Variants in FBXL17 observed in about 807,000 individuals in gnomAD.
FBXL17 encodes F-box and leucine rich repeat protein 17, also known as F-box/LRR-repeat protein 17.
In FBXL17, 22 loss-of-function variants were observed where a neutral mutation model predicts 66.2. The observed-to-expected ratio is 0.33, with a 90% CI of 0.24 to 0.47. The LOEUF is 0.47. Among genes scored for constraint, FBXL17 ranks in the 20% least tolerant of loss-of-function variants. FBXL17 has a pLI of 1.00. For missense variants in FBXL17, 878 were observed against 948.2 expected, an observed-to-expected ratio of 0.93 and a Z score of 0.97; for synonymous variants, 474 against 400.5, an observed-to-expected ratio of 1.18 and a Z score of -2.19.
intron 6 of FBXL17, among the ~76,000 whole-genome samples, chr5:108,157,899 C>A (rs1321711562): frequency 6.6e-6 from 1 of 151,856 alleles, no homozygotes; most frequent in Admixed American, 6.6e-5. Flanking sequence ...ATACTCATTG[C>A]CATTTTATTT....
chr5:108,302,402 G>T (rs919669711), intron 4 of FBXL17, among the ~76,000 whole-genome samples: 5 of 151,736 alleles, frequency 3.3e-5, no homozygotes, highest in Admixed American at 3.3e-4. Flanking sequence ...ATTCTACAGA[G>T]TTATATCTTT....
At chr5:107,907,796 C>T (rs1349255173) in intron 7 of FBXL17, among the ~76,000 whole-genome samples, 1 of 152,154 alleles carries the variant, frequency 6.6e-6, no homozygotes, top group Non-Finnish European at 1.5e-5. Context: ...CAGGAAACAA[C>T]AAGTGCTGGA....
At chr5:108,110,767 T>C (rs1750002986) in intron 6 of FBXL17, among the ~76,000 whole-genome samples, 1 of 152,096 alleles carries the variant, frequency 6.6e-6, no homozygotes, top group South Asian at 2.1e-4. Flanking sequence ...AGGGGCGAAT[T>C]TGTGCCTCAA....
chr5:108,117,949 T>C (rs1750328237), intron 6 of FBXL17, among the ~76,000 whole-genome samples: 1 of 152,144 alleles, frequency 6.6e-6, no homozygotes, highest in African/African-American at 2.4e-5. Flanking sequence ...TATTCTTCTT[T>C]GTCAGCATAC....
intron 6 of FBXL17, among the ~76,000 whole-genome samples, chr5:108,042,069 AT>A (rs1747068937): frequency 1.3e-5 from 2 of 151,890 alleles, no homozygotes; most frequent in Non-Finnish European, 2.9e-5. Context: ...CTAATTTTAT[AT>A]TTTTAGTAGA....
chr5:108,288,162 C>T (rs769649944), intron 4 of FBXL17, among the ~76,000 whole-genome samples: 1 of 151,718 alleles, frequency 6.6e-6, no homozygotes, highest in Non-Finnish European at 1.5e-5. Flanking sequence ...TTGTATCAGG[C>T]GCTATGCTCA....
chr5:108,015,077 G>A (rs1754330804), intron 7 of FBXL17, among the ~76,000 whole-genome samples: 1 of 152,114 alleles, frequency 6.6e-6, no homozygotes, highest in African/African-American at 2.4e-5. Flanking sequence ...TGGAGACACA[G>A]CCAAACCATA....
chr5:107,974,327 G>T (rs1344317194), intron 7 of FBXL17, among the ~76,000 whole-genome samples: 4 of 152,022 alleles, frequency 2.6e-5, no homozygotes, highest in Admixed American at 2.0e-4. Context: ...ATTGTGAAAT[G>T]CATTCTTCTA....
intron 4 of FBXL17, among the ~76,000 whole-genome samples, chr5:108,242,349 T>TTTTTTGTTGTTG: frequency 1.4e-5 from 2 of 146,924 alleles, no homozygotes; most frequent in Non-Finnish European, 3.0e-5. Context: ...GCCTGGCTAG[T>TTTTTTGTTGTTG]TTGTTGTTGT....
chr5:108,212,643 G>C (rs1307943904), intron 5 of FBXL17, among the ~76,000 whole-genome samples: 1 of 152,174 alleles, frequency 6.6e-6, no homozygotes, highest in East Asian at 1.9e-4. Flanking sequence ...ACCAGCAGAG[G>C]CTGCAGAACA....
At chr5:108,343,919 G>A (rs1747071500) in intron 4 of FBXL17, among the ~76,000 whole-genome samples, 2 of 152,098 alleles carry the variant, frequency 1.3e-5, no homozygotes, top group South Asian at 4.1e-4. Context: ...AACCTTTATT[G>A]AAGCTTTCTT....
chr5:108,357,643 T>A (rs1748086225), intron 3 of FBXL17, among the ~76,000 whole-genome samples: 1 of 151,842 alleles, frequency 6.6e-6, no homozygotes, highest in Non-Finnish European at 1.5e-5. Flanking sequence ...GCTCTCATAC[T>A]GCAATAGAAA....
At chr5:107,923,217 T>C (rs1431472273) in intron 7 of FBXL17, among the ~76,000 whole-genome samples, 1 of 152,066 alleles carries the variant, frequency 6.6e-6, no homozygotes, top group Non-Finnish European at 1.5e-5. Flanking sequence ...TCAATAAATA[T>C]TTGTTAAAGG....
chr5:108,154,659 A>G (rs1751917410), intron 6 of FBXL17, among the ~76,000 whole-genome samples: 1 of 144,106 alleles, frequency 6.9e-6, no homozygotes, highest in Non-Finnish European at 1.5e-5. Context: ...ATATATGTAT[A>G]TACATATATA....
intron 7 of FBXL17, among the ~76,000 whole-genome samples, chr5:108,018,778 C>A (rs1442495098): frequency 6.6e-6 from 1 of 152,090 alleles, no homozygotes; most frequent in Non-Finnish European, 1.5e-5. Flanking sequence ...ACTTCCGATT[C>A]CGCTCAAATG....
chr5:108,153,342 G>A (rs1751843521), intron 6 of FBXL17, among the ~76,000 whole-genome samples: 1 of 152,122 alleles, frequency 6.6e-6, no homozygotes, highest in South Asian at 2.1e-4. Flanking sequence ...ATTCAACTAG[G>A]AAGCATTATG....
chr5:108,094,874 C>CA (rs35283339), intron 6 of FBXL17, among the ~76,000 whole-genome samples: 25,842 of 134,826 alleles, frequency 0.19, 2,366 homozygotes, highest in East Asian at 0.41. Flanking sequence ...AACAAGGATG[C>CA]AAAAAAAAAA....
intron 4 of FBXL17, among the ~76,000 whole-genome samples, chr5:108,265,127 CTT>C (rs920077489): frequency 5.9e-5 from 9 of 151,908 alleles, no homozygotes; most frequent in African/African-American, 9.7e-5. Context: ...AAAGTTTTCT[CTT>C]GTTTTCATAG....
At chr5:108,168,499 G>C (rs529528059) in intron 6 of FBXL17, among the ~76,000 whole-genome samples, 1 of 152,032 alleles carries the variant, frequency 6.6e-6, no homozygotes, top group African/African-American at 2.4e-5. Flanking sequence ...TGCTTTAATA[G>C]AACGTTTGAA....
Sources: gnomAD v4.1 joint callset for allele counts (sites outside exome capture counted in the v4.1 genomes callset) on GRCh38, gnomAD v4.1.1 for gene constraint, MANE v1.5 for transcripts, NCBI Gene and HGNC (gene_info 2026-07-23, HGNC 2026-07-21) for gene names.